The following PAPSS1 variants were observed in gnomAD, a reference collection of about 807,000 sequenced individuals.
PAPSS1 encodes the protein bifunctional 3'-phosphoadenosine 5'-phosphosulfate synthase 1.
In PAPSS1, 50 loss-of-function variants were observed where a neutral mutation model predicts 72.0. That is an observed-to-expected ratio of 0.69 (90% CI 0.55 to 0.88). PAPSS1 has a LOEUF of 0.88. Ranked by LOEUF, PAPSS1 falls within the 40% of genes least tolerant of loss-of-function variation. The probability of loss-of-function intolerance (pLI) is 0.00; values close to 1 mark genes in which losing one functional copy is unlikely to be tolerated. For missense variants in PAPSS1, 657 were observed against 782.2 expected (o/e 0.84, Z 1.91); for synonymous variants, 261 against 263.6 (o/e 0.99, Z 0.09).
rs566161497 is a variant in PAPSS1, at chr4:107,720,219, G to C, written c.-40C>G. ...CTGAGCAGCCGGGGTTCTCTGCGCCGGGAGGGTAGCAAGAGGAGGGCAGGC... is the reference window on the plus strand; with the variant it reads ...CTGAGCAGCCGGGGTTCTCTGCGCCCGGAGGGTAGCAAGAGGAGGGCAGGC... On this transcript the variant is annotated 5_prime_UTR_variant, in exon 1 of 12. Transcript: ENST00000265174. 6.3e-7 allele frequency: 1 copy of C among 1,582,980 alleles called. No individual in the cohort carries two copies. The highest frequency in any genetic ancestry group is 8.6e-7 in the Non-Finnish European group (1 of 1,166,084).
chr4:107,630,218 T>C (rs1726194691), intron 11 of PAPSS1, among the ~76,000 whole-genome samples: 1 of 152,232 alleles, frequency 6.6e-6, no homozygotes, highest in Non-Finnish European at 1.5e-5. Flanking sequence ...TGTTAAGAAA[T>C]AAAGTTTACA....
intron 1 of PAPSS1, among the ~76,000 whole-genome samples, chr4:107,716,749 T>A (rs28673128): frequency 0.011 from 1,675 of 152,306 alleles, 32 homozygotes; most frequent in African/African-American, 0.038. Flanking sequence ...GCAAGTCAAT[T>A]TCTTGGTTTT....
At chr4:107,699,768 T>G (rs1723162832) in intron 2 of PAPSS1, among the ~76,000 whole-genome samples, 1 of 152,190 alleles carries the variant, frequency 6.6e-6, no homozygotes, top group Non-Finnish European at 1.5e-5. Context: ...GAGTACTGTT[T>G]TTAAAATTCC....
intron 9 of PAPSS1, among the ~76,000 whole-genome samples, chr4:107,646,310 TAC>T (rs770278061): frequency 0.22 from 21,713 of 99,716 alleles, 2,799 homozygotes; most frequent in African/African-American, 0.46. Flanking sequence ...TATATATATA[TAC>T]ACACACACAC....
At chr4:107,640,043 G>A (rs895830651) in intron 10 of PAPSS1, among the ~76,000 whole-genome samples, 5 of 152,134 alleles carry the variant, frequency 3.3e-5, no homozygotes, top group East Asian at 1.9e-4. Context: ...TTCATAAACC[G>A]AGGGTATAGC....
chr4:107,658,032 C>T (rs1303523266), intron 6 of PAPSS1, among the ~76,000 whole-genome samples: 3 of 152,068 alleles, frequency 2.0e-5, no homozygotes, highest in Non-Finnish European at 4.4e-5. Flanking sequence ...GAGCCTGGAA[C>T]ATCTTGCTGA....
intron 6 of PAPSS1, among the ~76,000 whole-genome samples, chr4:107,658,004 G>C (rs1727065441): frequency 6.6e-6 from 1 of 152,040 alleles, no homozygotes; most frequent in South Asian, 2.1e-4. Context: ...CCAATCATAG[G>C]GCTAGAAGGT....
chr4:107,691,741 G>A (rs1025910760), intron 3 of PAPSS1, among the ~76,000 whole-genome samples: 1 of 152,098 alleles, frequency 6.6e-6, no homozygotes. Context: ...GTCCCCACTA[G>A]GAGACAAGAA....
chr4:107,647,885 C>A (rs1486721922), intron 9 of PAPSS1, among the ~76,000 whole-genome samples: 2 of 152,186 alleles, frequency 1.3e-5, no homozygotes, highest in Admixed American at 1.3e-4. Context: ...CAGATGGCTT[C>A]TCTTAGCCAC....
intron 10 of PAPSS1, among the ~76,000 whole-genome samples, chr4:107,643,367 C>T (rs542507279): frequency 1.4e-4 from 22 of 152,310 alleles, no homozygotes; most frequent in African/African-American, 9.6e-5. Context: ...CCTGGAAACA[C>T]GGAGGTATAA....
At chr4:107,676,608 C>A (rs529392561) in intron 5 of PAPSS1, among the ~76,000 whole-genome samples, 2 of 152,256 alleles carry the variant, frequency 1.3e-5, no homozygotes, top group South Asian at 4.1e-4. Context: ...GGCCATACTG[C>A]CCAAGGTAAT....
intron 4 of PAPSS1, among the ~76,000 whole-genome samples, chr4:107,686,353 A>G (rs1416383982): frequency 6.6e-6 from 1 of 152,184 alleles, no homozygotes; most frequent in African/African-American, 2.4e-5. Context: ...AATCATCTCT[A>G]GATTACTTAT....
At chr4:107,714,339 C>G (rs976712101) in intron 1 of PAPSS1, among the ~76,000 whole-genome samples, 1 of 152,204 alleles carries the variant, frequency 6.6e-6, no homozygotes, top group Non-Finnish European at 1.5e-5. Flanking sequence ...CTCTCCCCTA[C>G]GGCAAAACTC....
At chr4:107,648,837 T>C (rs1398074240) in intron 9 of PAPSS1, among the ~76,000 whole-genome samples, 1 of 152,182 alleles carries the variant, frequency 6.6e-6, no homozygotes, top group African/African-American at 2.4e-5. Context: ...CCTCCTCCCT[T>C]GGGATTATCA....
chr4:107,652,156 C>T (rs1726857147), intron 9 of PAPSS1, among the ~76,000 whole-genome samples: 1 of 152,156 alleles, frequency 6.6e-6, no homozygotes, highest in South Asian at 2.1e-4. Context: ...CATTCACCTG[C>T]CCTTTCTCAA....
intron 5 of PAPSS1, 76 bp downstream of exon 5, chr4:107,681,939 A>T (rs1314101173): frequency 5.5e-6 from 4 of 724,688 alleles, no homozygotes; most frequent in African/African-American, 1.8e-5. Context: ...TAACACCACC[A>T]TTTTTTTTTG....
intron 1 of PAPSS1, among the ~76,000 whole-genome samples, chr4:107,706,793 A>G (rs1286673165): frequency 6.6e-6 from 1 of 152,160 alleles, no homozygotes; most frequent in Non-Finnish European, 1.5e-5. Context: ...AGCCTGTCCA[A>G]TCTGGGAAGG....
In PAPSS1 at chr4:107,720,107, G is replaced by C. The variant is rs2125946912; in HGVS notation, c.60+13C>G. ...CTCCGCTCCTCGCCGTCTCGCCTTC[G>C]TCCCCAGCTTACCCAGTTCTGCGCG... On this transcript the variant is annotated intron_variant, in intron 1 of 11. Transcript: ENST00000265174. 2 of 1,600,158 alleles carry C rather than the reference G, an allele frequency of 1.2e-6. No individual in the cohort carries two copies. Among genetic ancestry groups the C allele is most frequent in the Non-Finnish European group, 1.7e-6 (2 of 1,174,050 alleles).
intron 2 of PAPSS1, among the ~76,000 whole-genome samples, chr4:107,697,122 T>C (rs918347321): frequency 2.6e-5 from 4 of 152,160 alleles, no homozygotes; most frequent in African/African-American, 9.7e-5. Context: ...CCCAAGCAGG[T>C]GTACCAGCCA....
Sources: allele counts gnomAD v4.1 joint callset (sites outside exome capture counted in the v4.1 genomes callset), GRCh38; gene constraint gnomAD v4.1.1; transcripts MANE v1.5; gene names NCBI Gene and HGNC (gene_info 2026-07-23, HGNC 2026-07-21).